GFRA1: variants seen among roughly 807,000 people sequenced by gnomAD.
GFRA1 encodes GDNF family receptor alpha-1.
In GFRA1, 16 loss-of-function variants were observed where a neutral mutation model predicts 51.6. The ratio of observed to expected loss-of-function variants is 0.31; its 90% CI spans 0.21 to 0.47. The LOEUF (loss-of-function observed/expected upper bound fraction) is 0.47, where lower values mean the gene tolerates loss of function less well. Among genes scored for constraint, GFRA1 ranks in the 20% least tolerant of loss-of-function variants. The probability of loss-of-function intolerance (pLI) is 1.00; values close to 1 mark genes in which losing one functional copy is unlikely to be tolerated. For missense variants in GFRA1, 530 were observed against 594.3 expected (o/e 0.89, Z 1.13); for synonymous variants, 270 against 241.3 (o/e 1.12, Z -1.10).
At chr10:116,149,172 A>G (rs1958959101) in intron 5 of GFRA1, among the ~76,000 whole-genome samples, 1 of 152,204 alleles carries the variant, frequency 6.6e-6, no homozygotes, top group Non-Finnish European at 1.5e-5. Flanking sequence ...GGATCTCAAC[A>G]TGCTCGAGAA....
rs1379136582 is a variant in GFRA1 at position 116,201,819 on chromosome 10, C to G, written c.433+9812G>C. 3.3e-5 allele frequency among the ~76,000 whole-genome samples: 5 copies of G among 152,106 alleles called. No individual in the cohort carries two copies. The East Asian group carries it at 9.6e-4, about 29-fold the overall frequency. ...CTAAGTCCAAACACTGTCCCCACCC[C>G]CCTCACCTCTGCCACCTACTCCAAA... On this transcript the variant is annotated intron_variant, in intron 5 of 10. Coordinates refer to ENST00000355422, the MANE Select transcript of GFRA1 (RefSeq NM_005264.8).
chr10:116,179,525 T>G (rs1961998981), intron 5 of GFRA1, among the ~76,000 whole-genome samples: 1 of 152,166 alleles, frequency 6.6e-6, no homozygotes, highest in African/African-American at 2.4e-5. Flanking sequence ...GATTTAAACC[T>G]GGGTGTTCTC....
chr10:116,135,617 CAATTAT>C (rs1422260567), intron 5 of GFRA1, among the ~76,000 whole-genome samples: 3 of 151,952 alleles, frequency 2.0e-5, no homozygotes, highest in African/African-American at 7.3e-5. Flanking sequence ...TAGAGAGGCA[CAATTAT>C]AATATTAGAC....
At position 116,058,240 on chromosome 10, in the gene GFRA1, C is replaced by T. The variant is rs145037150; in HGVS notation, c.*6158G>A. 1.9e-3 allele frequency: 290 copies of T among 152,376 alleles called. 2 individuals carry two copies. The highest frequency in any genetic ancestry group is 6.7e-3 in the African/African-American group (280 of 41,572). 9.4% of individuals were successfully genotyped at this position (152,376 alleles called of 1,614,324 possible). A position where few individuals can be genotyped will look rare whatever the true frequency, so the allele number is the denominator to read the frequency against. ...ATTCTTCTTCCTACTTCACTCTAGT[C>T]TTAGGATCTGTGTTATGCTTGCAGG... On this transcript the variant is annotated 3_prime_UTR_variant, in exon 11 of 11. Transcript: ENST00000355422.
intron 4 of GFRA1, among the ~76,000 whole-genome samples, chr10:116,250,763 C>G (rs1471139998): frequency 6.6e-6 from 1 of 152,184 alleles, no homozygotes; most frequent in Non-Finnish European, 1.5e-5. Flanking sequence ...TCCTGGTGTC[C>G]TCAGGACCCC....
intron 5 of GFRA1, among the ~76,000 whole-genome samples, chr10:116,208,849 C>G (rs1422485395): frequency 6.6e-6 from 1 of 152,196 alleles, no homozygotes; most frequent in Non-Finnish European, 1.5e-5. Flanking sequence ...TTAAAGTACC[C>G]TAAAACTCAT....
chr10:116,191,254 T>C (rs1963235347), intron 5 of GFRA1, among the ~76,000 whole-genome samples: 1 of 152,342 alleles, frequency 6.6e-6, no homozygotes, highest in East Asian at 1.9e-4. Context: ...TGATTCAAAT[T>C]GTAAGTACAT....
chr10:116,118,550 G>T (rs1289309108), intron 6 of GFRA1, among the ~76,000 whole-genome samples: 4 of 151,826 alleles, frequency 2.6e-5, no homozygotes, highest in African/African-American at 9.7e-5. Flanking sequence ...GTCCACCAAG[G>T]CCTGATCTGA....
chr10:116,184,275 T>A (rs1200648499), intron 5 of GFRA1, among the ~76,000 whole-genome samples: 2 of 152,202 alleles, frequency 1.3e-5, no homozygotes, highest in African/African-American at 4.8e-5. Flanking sequence ...CCAGATGGCA[T>A]AGGGGAGGCC....
intron 9 of GFRA1, among the ~76,000 whole-genome samples, chr10:116,070,422 A>G (rs1354097850): frequency 1.3e-5 from 2 of 152,226 alleles, no homozygotes; most frequent in Non-Finnish European, 2.9e-5. Context: ...AAAACAGTCC[A>G]GAAGCAGAAG....
At chr10:116,151,378 G>A (rs1959058012) in intron 5 of GFRA1, among the ~76,000 whole-genome samples, 1 of 152,104 alleles carries the variant, frequency 6.6e-6, no homozygotes, top group Non-Finnish European at 1.5e-5. Context: ...GGAAACCCCT[G>A]GCAGAGATGT....
At chr10:116,094,349 C>T (rs1263228815) in intron 7 of GFRA1, among the ~76,000 whole-genome samples, 1 of 152,150 alleles carries the variant, frequency 6.6e-6, no homozygotes, top group Non-Finnish European at 1.5e-5. Flanking sequence ...ATGGGGTCTT[C>T]TCAACTGATC....
chr10:116,269,190 C>A (rs1425754298), intron 4 of GFRA1, among the ~76,000 whole-genome samples: 2 of 151,988 alleles, frequency 1.3e-5, no homozygotes, highest in African/African-American at 4.8e-5. Flanking sequence ...CACCTACAGA[C>A]AGAAGTGGCA....
intron 4 of GFRA1, among the ~76,000 whole-genome samples, chr10:116,249,305 C>T (rs1020333309): frequency 6.6e-6 from 1 of 152,014 alleles, no homozygotes; most frequent in Non-Finnish European, 1.5e-5. Context: ...CCTGCAATTG[C>T]TTGGGTCCAT....
rs533130679 is a variant in GFRA1 at position 116,194,050 on chromosome 10, ATAAATAAATAAAATTT to A, written c.433+17565_433+17580del. Reference sequence around the variant, plus strand: ...GGAGACTCCGTCTCAATAAAAAAAAATAAATAAATAAAATTTAAAAAAAAAAAAAAAAGGTGGCTCA... The same window carrying A: ...GGAGACTCCGTCTCAATAAAAAAAAAAAAAAAAAAAAAAAAAGGTGGCTCA... On this transcript the variant is annotated intron_variant, in intron 5 of 10. Transcript: ENST00000355422. 8.9e-4 allele frequency among the ~76,000 whole-genome samples: 90 copies of A among 101,066 alleles called. 1 individual carries two copies. Among genetic ancestry groups the A allele is most frequent in the African/African-American group, 2.4e-3 (61 of 25,376 alleles). 66.3% of individuals were successfully genotyped at this position (101,066 alleles called of 152,430 possible).
rs187521369 is a variant in GFRA1, at chr10:116,232,329, G to A, written c.419-20684C>T. The stretch of plus-strand genomic sequence containing the variant: ...AATCTTGTCTCAGAAATAGCAGTTG[G>A]GTGATCTTAAAAGATGAGTATTTTA... On this transcript the variant is annotated intron_variant, in intron 4 of 10. Coordinates refer to ENST00000355422, the MANE Select transcript of GFRA1 (RefSeq NM_005264.8). Among the ~76,000 whole-genome samples the A allele has an allele frequency of 1.5e-3, 231 of 152,210 alleles. 1 individual carries two copies. The highest frequency in any genetic ancestry group is 6.8e-3 in the Middle Eastern group (2 of 294).
At chr10:116,138,003 A>C (rs887432274) in intron 5 of GFRA1, among the ~76,000 whole-genome samples, 2 of 152,012 alleles carry the variant, frequency 1.3e-5, no homozygotes, top group Non-Finnish European at 2.9e-5. Flanking sequence ...GGGTTTCTCC[A>C]CGTTGGTCAG....
chr10:116,096,190 G>A (rs753542706), intron 7 of GFRA1, among the ~76,000 whole-genome samples: 3 of 152,130 alleles, frequency 2.0e-5, no homozygotes, highest in Admixed American at 6.5e-5. Flanking sequence ...AGCAAGCAGG[G>A]CCCCTGTATT....
intron 5 of GFRA1, among the ~76,000 whole-genome samples, chr10:116,148,100 G>A (rs1171217038): frequency 6.8e-6 from 1 of 148,116 alleles, no homozygotes; most frequent in African/African-American, 2.5e-5. Flanking sequence ...ATGCGTGTGT[G>A]CATGCATGGG....
Sources: allele counts gnomAD v4.1 joint callset (sites outside exome capture counted in the v4.1 genomes callset), GRCh38; gene constraint gnomAD v4.1.1; transcripts MANE v1.5; gene names NCBI Gene and HGNC (gene_info 2026-07-23, HGNC 2026-07-21).